The following DNAJC13 variants were observed in gnomAD, a reference collection of about 807,000 sequenced individuals.
The protein encoded by DNAJC13 is DnaJ heat shock protein family (Hsp40) member C13.
A neutral mutation model predicts 290.5 loss-of-function variants in DNAJC13; 75 were observed. The observed-to-expected ratio is 0.26, with a 90% CI of 0.21 to 0.31. DNAJC13 has a LOEUF of 0.31. DNAJC13 is among the 10% of genes least tolerant of loss of function. The pLI is 1.00. For synonymous variants in DNAJC13, 862 were observed against 892.0 expected (o/e 0.97, Z 0.60); for missense variants, 2,260 against 2,674.5 (o/e 0.85, Z 3.42).
intron 55 of DNAJC13, 78 bp from the exon 56 acceptor site, chr3:132,538,098 G>A: frequency 1.7e-6 from 2 of 1,168,496 alleles, no homozygotes; most frequent in Non-Finnish European, 2.5e-6. Context: ...GCCTGAGCAG[G>A]TTCTGACATT....
At chr3:132,420,449 G>A (rs1208951992) in intron 1 of DNAJC13, among the ~76,000 whole-genome samples, 2 of 152,144 alleles carry the variant, frequency 1.3e-5, no homozygotes, top group Non-Finnish European at 2.9e-5. Flanking sequence ...GCCCAAAACT[G>A]CAGTCGGGAG....
intron 2 of DNAJC13, among the ~76,000 whole-genome samples, chr3:132,438,506 T>G (rs1485298087): frequency 6.6e-6 from 1 of 152,246 alleles, no homozygotes; most frequent in African/African-American, 2.4e-5. Context: ...TTGTGATTTT[T>G]GGGATTTAGG....
At chr3:132,470,934 A>T (rs1397940744) in intron 20 of DNAJC13, among the ~76,000 whole-genome samples, 22 of 83,132 alleles carry the variant, frequency 2.6e-4, no homozygotes, top group Non-Finnish European at 3.8e-4. Context: ...CTGGCCGGGC[A>T]GAGGGGCTCC....
intron 43 of DNAJC13, among the ~76,000 whole-genome samples, chr3:132,510,274 A>G (rs1232877500): frequency 1.3e-5 from 2 of 152,160 alleles, no homozygotes; most frequent in African/African-American, 4.8e-5. Context: ...TTTTTTTAGA[A>G]GATGACTGGA....
intron 29 of DNAJC13, among the ~76,000 whole-genome samples, chr3:132,487,913 C>T (rs1934933846): frequency 6.6e-6 from 1 of 152,050 alleles, no homozygotes. Flanking sequence ...TTATTTTCTG[C>T]TCTGCTCCTT....
At chr3:132,440,338 C>T (rs982421792) in intron 2 of DNAJC13, among the ~76,000 whole-genome samples, 9 of 152,224 alleles carry the variant, frequency 5.9e-5, no homozygotes, top group Non-Finnish European at 1.3e-4. Flanking sequence ...TTTTGGGATT[C>T]CCCACTCTCC....
chr3:132,505,229 G>T, intron 41 of DNAJC13, 73 bp from the exon 42 acceptor site: 1 of 921,558 alleles, frequency 1.1e-6, no homozygotes, highest in Non-Finnish European at 1.7e-6. Context: ...GCCTATAATA[G>T]ACATTTTTAA....
chr3:132,530,741 C>T (rs750436932), intron 54 of DNAJC13, among the ~76,000 whole-genome samples: 2 of 152,170 alleles, frequency 1.3e-5, no homozygotes, highest in Non-Finnish European at 2.9e-5. Context: ...ACATATAAGT[C>T]GGTAATTGTA....
intron 2 of DNAJC13, among the ~76,000 whole-genome samples, chr3:132,436,171 T>G (rs970407434): frequency 6.6e-6 from 1 of 152,204 alleles, no homozygotes; most frequent in Non-Finnish European, 1.5e-5. Flanking sequence ...TCGCCTTCCC[T>G]GCAAAAAACT....
chr3:132,474,141 A>G (rs1327655648), intron 21 of DNAJC13: 1 of 152,076 alleles, frequency 6.6e-6, no homozygotes, highest in Non-Finnish European at 1.5e-5. Flanking sequence ...ACATATATAG[A>G]TTGTTGCTGA....
Position 132,454,055 on chromosome 3 carries a change from T to C in DNAJC13, c.841-11T>C. On this transcript the variant is annotated splice_polypyrimidine_tract_variant and intron_variant, in intron 8 of 55. Coordinates refer to ENST00000260818, the MANE Select transcript of DNAJC13 (RefSeq NM_015268.4). ...TTTTTTTGTTGAAGCTATTTTTTGTTTTTTCATTAGGTATTTGCGTTGGTC... is the reference window on the plus strand; with the variant it reads ...TTTTTTTGTTGAAGCTATTTTTTGTCTTTTCATTAGGTATTTGCGTTGGTC... 2.5e-6 allele frequency: 4 copies of C among 1,574,388 alleles called. No homozygotes were observed. Among genetic ancestry groups the C allele is most frequent in the Non-Finnish European group, 3.4e-6 (4 of 1,167,250 alleles).
In DNAJC13 at chr3:132,503,380, A is replaced by C. The variant is rs143027811; in HGVS notation, c.4883A>C (p.Glu1628Ala). The C allele has an allele frequency of 1.9e-5, 31 of 1,613,926 alleles. No individual in the cohort carries two copies. The African/African-American group carries it at 3.7e-4, about 19-fold the overall frequency. Residue 1628 changes from glutamate to alanine, a missense_variant and splice_region_variant, in exon 41 of 56, where the codon GAG (glutamate) becomes GCG (alanine). By Grantham distance (107) the Glu-to-Ala change is moderately radical. This residue lies in a region of DNAJC13 where 1,494 missense variants were observed against 1,693.7 expected (regional missense o/e 0.88). Coordinates refer to ENST00000260818, the MANE Select transcript of DNAJC13 (RefSeq NM_015268.4). ...AAACTTGCTGTGGCTAGTGTGACTG[A>C]GGTATGTGCTTCACAGGTAGCCTGG... Reference protein sequence around the residue: ...ARKLAVASVTEILKMLNSNTE... With the variant: ...ARKLAVASVTAILKMLNSNTE...
chr3:132,495,978 A>C (rs1935222786), intron 35 of DNAJC13, among the ~76,000 whole-genome samples: 1 of 152,172 alleles, frequency 6.6e-6, no homozygotes, highest in Admixed American at 6.5e-5. Context: ...ACAATATGAT[A>C]CTGACACAAG....
At position 132,538,541 on chromosome 3, in the gene DNAJC13, A is replaced by G. The variant is rs149506627; in HGVS notation, c.*259A>G. ...TGTATGTAAGCACATTTGTTCCTTT[A>G]TATCTGTTTACAAAACTGTGAATCA... On this transcript the variant is annotated 3_prime_UTR_variant, in exon 56 of 56. Coordinates refer to ENST00000260818, the MANE Select transcript of DNAJC13 (RefSeq NM_015268.4). The G allele has an allele frequency of 7.6e-3, 2,208 of 288,758 alleles. 16 individuals are homozygous for G. The highest frequency in any genetic ancestry group is 0.01 in the Non-Finnish European group (1,581 of 157,612). The allele number at this position is 288,758 out of a possible 1,614,324, so 17.9% of individuals were successfully genotyped here.
chr3:132,476,143 A>G (rs1164308426), intron 22 of DNAJC13, among the ~76,000 whole-genome samples: 2 of 152,142 alleles, frequency 1.3e-5, no homozygotes, highest in Non-Finnish European at 2.9e-5. Context: ...CATGTTGCCC[A>G]GTCTGGCTTT....
At chr3:132,464,700 G>A (rs1435350148) in intron 17 of DNAJC13, among the ~76,000 whole-genome samples, 1 of 152,002 alleles carries the variant, frequency 6.6e-6, no homozygotes, top group African/African-American at 2.4e-5. Context: ...AGATAATAAG[G>A]ATGTTTTCCT....
rs563020748 is a variant in DNAJC13, at chr3:132,514,478, C to T, written c.5386-93C>T. 4.3e-5 allele frequency: 32 copies of T among 752,840 alleles called. 1 individual carries two copies. In the South Asian group the frequency reaches 6.6e-4, roughly 16 times the overall value. The allele number at this position is 752,840 out of a possible 1,614,324, so 46.6% of individuals were successfully genotyped here. ...AAAACTAAATGTTTCATCCCCCAAA[C>T]ATTTGTCTCACTTGTACAGTCTATA... is the stretch of plus-strand genomic sequence containing the variant. On this transcript the variant is annotated intron_variant, in intron 45 of 55. Transcript: ENST00000260818.
rs760399414 is a variant in DNAJC13 at position 132,456,773 on chromosome 3, G to A, written c.1290G>A (p.Gln430=). The change falls in exon 12 of 56, where the codon CAG becomes CAA. Residue 430 remains glutamine, a synonymous_variant. Transcript: ENST00000260818. ...ATGCGGAACTTGAGAGTCAGTTCCA[G>A]GCTGTGAGGAGGCTTGTGGCATCCA... The part of the protein sequence containing the change: ...ASNAELESQF[Q]AVRRLVASKA... The A allele has an allele frequency of 6.2e-7, 1 of 1,614,102 alleles. No individual in the cohort carries two copies. Among genetic ancestry groups the A allele is most frequent in the Non-Finnish European group, 8.5e-7 (1 of 1,179,960 alleles).
Position 132,511,214 on chromosome 3 carries a change from G to A in DNAJC13, c.5263G>A (p.Ala1755Thr), listed in dbSNP as rs1935770593. The change falls in exon 44 of 56, where the codon GCT becomes ACT. Residue 1755 changes from alanine (A) to threonine (T), a missense_variant. Coordinates refer to ENST00000260818, the MANE Select transcript of DNAJC13 (RefSeq NM_015268.4). ...ACCGAGAGTAGAAATGGCTTTGGAG[G>A]CTCTGAGAAATGTCATAAAATACAA... ...RLPRVEMALE[A>T]LRNVIKYNPG... is the part of the protein sequence containing the mutation. The A allele has an allele frequency of 6.2e-7, 1 of 1,613,650 alleles. No homozygotes were observed.
Sources: gnomAD v4.1 joint callset for allele counts (sites outside exome capture counted in the v4.1 genomes callset) on GRCh38, gnomAD v4.1.1 for gene constraint, gnomAD v4.1.1 regional missense constraint, MANE v1.5 for transcripts, NCBI Gene and HGNC (gene_info 2026-07-23, HGNC 2026-07-21) for gene names.